SEC14L2: variants seen among roughly 807,000 people sequenced by gnomAD.
The protein encoded by SEC14L2 is SEC14-like protein 2.
In SEC14L2, 50 loss-of-function variants were observed where a neutral mutation model predicts 56.9. That is an observed-to-expected ratio of 0.88 (90% CI 0.70 to 1.11). The LOEUF (loss-of-function observed/expected upper bound fraction) is 1.11. SEC14L2 is among the 50% of genes most tolerant of loss of function. SEC14L2 has a pLI of 0.00. For missense variants in SEC14L2, 414 were observed against 500.7 expected (o/e 0.83, Z 1.65); for synonymous variants, 179 against 188.5 (o/e 0.95, Z 0.41).
chr22:30,414,640 G>A (rs947031481), intron 8 of SEC14L2, among the ~76,000 whole-genome samples: 2 of 152,148 alleles, frequency 1.3e-5, no homozygotes, highest in Non-Finnish European at 2.9e-5. Context: ...AGTAGGCATA[G>A]GCAGGTTTTA....
chr22:30,415,956 C>A lies in SEC14L2; in HGVS notation c.780C>A (p.Tyr260Ter). ...GNPKCKSKIN[Y>*]GGDIPRKYYV... ...CCATGCCATGCTTCTAGATCAACTA[C>A]GGGGGTGACATCCCCAGGAAGTATT... is the stretch of plus-strand genomic sequence containing the variant. The change falls in exon 10 of 12, where the codon TAC (tyrosine) becomes TAA (stop). Residue 260 changes from tyrosine to a stop codon, truncating the protein, a stop_gained. Coordinates refer to ENST00000615189, the MANE Select transcript of SEC14L2 (RefSeq NM_012429.5). LOFTEE classifies it high-confidence loss of function. 6.2e-7 allele frequency: 1 copy of A among 1,614,160 alleles called. No individual in the cohort carries two copies. The highest frequency in any genetic ancestry group is 8.5e-7 in the Non-Finnish European group (1 of 1,180,006).
chr22:30,420,073 C>T (rs1934477236), intron 11 of SEC14L2, among the ~76,000 whole-genome samples: 1 of 152,122 alleles, frequency 6.6e-6, no homozygotes, highest in Non-Finnish European at 1.5e-5. Context: ...CCTGCCTCAG[C>T]CTCCCAAGTA....
intron 2 of SEC14L2, among the ~76,000 whole-genome samples, chr22:30,404,425 C>T (rs1934035819): frequency 1.3e-5 from 2 of 152,078 alleles, no homozygotes; most frequent in South Asian, 2.1e-4. Flanking sequence ...GGAATGTGCT[C>T]GGCACTCCCA....
At chr22:30,398,942 G>A (rs868237566) in intron 1 of SEC14L2, 8 of 392,586 alleles carry the variant, frequency 2.0e-5, no homozygotes, top group African/African-American at 1.2e-4. Context: ...TGAGTGAGGA[G>A]TAAATAAGCT....
chr22:30,421,501 C>T (rs1321733442), intron 11 of SEC14L2: 1 of 152,212 alleles, frequency 6.6e-6, no homozygotes, highest in East Asian at 1.9e-4. Context: ...AGTATTCTAT[C>T]ACATGGATTA....
At chr22:30,411,761 A>AAAAAAAAAAAAAG (rs1555997934) in intron 8 of SEC14L2, among the ~76,000 whole-genome samples, 144 of 142,668 alleles carry the variant, frequency 1.0e-3, no homozygotes, top group African/African-American at 3.7e-3. Context: ...AAAAAAAAAA[A>AAAAAAAAAAAAAG]GGGGTCCCTT....
At chr22:30,419,941 T>C (rs1934472677) in intron 11 of SEC14L2, among the ~76,000 whole-genome samples, 1 of 142,660 alleles carries the variant, frequency 7.0e-6, no homozygotes, top group African/African-American at 2.8e-5. Context: ...TGCCTTTTTT[T>C]CTTTTCTTTT....
Position 30,399,680 on chromosome 22 carries a change from C to T in SEC14L2, c.92C>T (p.Pro31Leu), listed in dbSNP as rs537868674. The change falls in exon 2 of 12, where the codon CCG becomes CTG. Residue 31 changes from proline to leucine, a missense_variant. Pro to Leu is a moderately conservative substitution (Grantham distance 98, BLOSUM62 -3). Transcript: ENST00000615189. Reference protein sequence around the residue: ...ENVQDVLPALPNPDDYFLLRW... With the variant: ...ENVQDVLPALLNPDDYFLLRW... ...GTCCAGGATGTGCTGCCGGCCCTGC[C>T]GAATCCAGATGACTATTTTCTCCTG... The T allele has an allele frequency of 5.0e-5, 80 of 1,613,916 alleles. No homozygotes were observed. The East Asian group carries it at 1.2e-3, about 25-fold the overall frequency.
At chr22:30,421,966 TA>T (rs1300794893) in intron 11 of SEC14L2, among the ~76,000 whole-genome samples, 2 of 152,226 alleles carry the variant, frequency 1.3e-5, no homozygotes, top group Non-Finnish European at 2.9e-5. Context: ...GTTCAAGCTC[TA>T]ACTCCTTTAA....
chr22:30,410,730 T>A (rs1451395879), intron 8 of SEC14L2, 51 bp downstream of exon 8: 2 of 1,551,034 alleles, frequency 1.3e-6, no homozygotes, highest in East Asian at 4.5e-5. Flanking sequence ...GTAGCCTAAA[T>A]CGGGTCCAGC....
intron 7 of SEC14L2, 97 bp downstream of exon 7, chr22:30,409,583 G>C: frequency 3.5e-6 from 4 of 1,150,852 alleles, no homozygotes; most frequent in South Asian, 1.2e-5. Flanking sequence ...CCAAAAGAGG[G>C]GGTCTGAGGA....
Position 30,415,763 on chromosome 22 carries a change from T to C in SEC14L2, c.669T>C (p.Asn223=), listed in dbSNP as rs755064448. ...CTTCCTTCCCTCTCCTGCCAGCAAA[T>C]TGGAAGGAGGTTTTACTGAAACATA... ...TRKKIMVLGA[N]WKEVLLKHIS... is the part of the protein sequence containing the mutation. The change falls in exon 9 of 12, where the codon AAT becomes AAC. Residue 223 remains asparagine (N), a synonymous_variant. Transcript: ENST00000615189. The C allele has an allele frequency of 1.1e-5, 17 of 1,613,608 alleles. No homozygotes were observed. The South Asian group carries it at 1.5e-4, about 15-fold the overall frequency.
chr22:30,401,356 C>CCCA (rs544008270), intron 2 of SEC14L2, among the ~76,000 whole-genome samples: 2 of 142,626 alleles, frequency 1.4e-5, no homozygotes, highest in African/African-American at 2.6e-5. Flanking sequence ...ATTATAGGCT[C>CCCA]CCACCACCAC....
At position 30,397,032 on chromosome 22, in the gene SEC14L2, T is replaced by A; in HGVS notation, c.-85T>A. The A allele has an allele frequency of 8.0e-7, 1 of 1,245,578 alleles. No homozygotes were observed. The highest frequency in any genetic ancestry group is 1.3e-5 in the South Asian group (1 of 77,736). The allele number at this position is 1,245,578 out of a possible 1,614,324, so 77.2% of individuals were successfully genotyped here. On this transcript the variant is annotated 5_prime_UTR_variant, in exon 1 of 12. Coordinates refer to ENST00000615189, the MANE Select transcript of SEC14L2 (RefSeq NM_012429.5). ...CAAAAGGCTGGGACTTTACTCCGGG[T>A]GGCGGCGAGGACGAGTCTGTGCTCC...
chr22:30,416,831 C>G, intron 11 of SEC14L2: 1 of 1,105,824 alleles, frequency 9.0e-7, no homozygotes, highest in Non-Finnish European at 1.1e-6. Flanking sequence ...CTGAGTTTCA[C>G]TCATCTCCCA....
chr22:30,409,055 GA>G, intron 5 of SEC14L2, 131 bp from the exon 6 acceptor site: 1 of 830,214 alleles, frequency 1.2e-6, no homozygotes, highest in Non-Finnish European at 2.1e-6. Context: ...TCTCAGTTTG[GA>G]AAACTCTAGG....
chr22:30,425,183 T>A lies in SEC14L2; in HGVS notation c.*2776T>A. The A allele has an allele frequency of 4.9e-6, 1 of 205,628 alleles. No homozygotes were observed. The highest frequency in any genetic ancestry group is 1.0e-5 in the Non-Finnish European group (1 of 98,158). 12.7% of individuals were successfully genotyped at this position (205,628 alleles called of 1,614,324 possible). A position where few individuals can be genotyped will look rare whatever the true frequency, so the allele number is the denominator to read the frequency against. ...GACCCACCTTCTCTGTGCCTCCATTTTCTCACCTGTAAAACGGGCTCCCAG... is the reference window on the plus strand; with the variant it reads ...GACCCACCTTCTCTGTGCCTCCATTATCTCACCTGTAAAACGGGCTCCCAG... On this transcript the variant is annotated 3_prime_UTR_variant, in exon 12 of 12. Transcript: ENST00000615189.
intron 5 of SEC14L2, among the ~76,000 whole-genome samples, chr22:30,408,838 G>A (rs149920541): frequency 3.3e-5 from 5 of 152,348 alleles, no homozygotes; most frequent in South Asian, 2.1e-4. Context: ...TGCACAGAAC[G>A]TCTGTCCTCG....
chr22:30,397,485 T>C, intron 1 of SEC14L2: 1 of 392,938 alleles, frequency 2.5e-6, no homozygotes, highest in East Asian at 5.0e-5. Flanking sequence ...TCCTCGGGAC[T>C]GGCAGCCGGG....
Sources: allele counts gnomAD v4.1 joint callset (sites outside exome capture counted in the v4.1 genomes callset), GRCh38; gene constraint gnomAD v4.1.1; transcripts MANE v1.5; gene names NCBI Gene and HGNC (gene_info 2026-07-23, HGNC 2026-07-21).